Variants in ZNF500 observed in about 807,000 individuals in gnomAD.
ZNF500 encodes zinc finger protein 500, also known as zinc finger protein with KRAB and SCAN domains 18.
ZNF500 carries 31 observed loss-of-function variants against 30.1 expected under a neutral mutation model. The observed-to-expected ratio is 1.03, with a 90% confidence interval of 0.77 to 1.39. The LOEUF is 1.39. Ranked by LOEUF, ZNF500 falls within the 40% of genes most tolerant of loss-of-function variation. ZNF500 has a pLI of 0.00. For synonymous variants in ZNF500, 392 were observed against 282.0 expected (o/e 1.39, Z -3.91); for missense variants, 817 against 657.8 (o/e 1.24, Z -2.65).
chr16:4,747,907 G>A (rs1310223082), downstream of ZNF500, among the ~76,000 whole-genome samples: 2 of 152,178 alleles, frequency 1.3e-5, no homozygotes, highest in African/African-American at 2.4e-5. Flanking sequence ...GACAGCAGGA[G>A]GACGGGGTGC....
chr16:4,751,461 G>T lies in ZNF500; in HGVS notation c.*915C>A. On this transcript the variant is annotated 3_prime_UTR_variant, in exon 6 of 6. Transcript: ENST00000219478. ...AACTCAGGGGTGCTTTCCCGCCCCAGGTGTCTTCCGCCCTGCAGAGCAGCT... is the reference window on the plus strand; with the variant it reads ...AACTCAGGGGTGCTTTCCCGCCCCATGTGTCTTCCGCCCTGCAGAGCAGCT... The T allele has an allele frequency of 2.0e-6, 2 of 1,023,904 alleles. No individual in the cohort carries two copies. The highest frequency in any genetic ancestry group is 3.4e-5 in the South Asian group (2 of 59,086). 63.4% of individuals were successfully genotyped at this position (1,023,904 alleles called of 1,614,324 possible).
intron 2 of ZNF500, chr16:4,764,176 T>C (rs117572672): frequency 3.8e-6 from 3 of 790,870 alleles, no homozygotes; most frequent in Non-Finnish European, 4.6e-6. Context: ...CCACTGGCCA[T>C]GTGTGACGAC....
At position 4,748,800 on chromosome 16, in the gene ZNF500, C is replaced by G. The variant is rs1170876909; in HGVS notation, c.*3576G>C. 1 of 152,324 alleles carries G rather than the reference C, an allele frequency of 6.6e-6. No homozygotes were observed. Among genetic ancestry groups the G allele is most frequent in the Non-Finnish European group, 1.5e-5 (1 of 68,112 alleles). The allele number at this position is 152,324 out of a possible 1,614,324, so 9.4% of individuals were successfully genotyped here. ...CTTGGGCCCCACGGTGCCACGGGCT[C>G]AGGCAGCACAGTAGGGCGCCGGGCC... On this transcript the variant is annotated 3_prime_UTR_variant, in exon 6 of 6. Coordinates refer to ENST00000219478, the MANE Select transcript of ZNF500 (RefSeq NM_021646.4).
chr16:4,747,169 C>T, downstream of ZNF500: 2 of 1,199,012 alleles, frequency 1.7e-6, no homozygotes, highest in Non-Finnish European at 2.3e-6. Context: ...CAGCTTTCAT[C>T]ATCCTGCCCA....
downstream of ZNF500, chr16:4,746,122 T>C (rs76346188): frequency 0.021 from 8,819 of 414,966 alleles, 145 homozygotes; most frequent in Non-Finnish European, 0.029. Context: ...ACTTAGCCAC[T>C]TGTGCCAAGT....
At chr16:4,757,546 C>T (rs1036313113) in intron 5 of ZNF500, among the ~76,000 whole-genome samples, 3 of 152,092 alleles carry the variant, frequency 2.0e-5, no homozygotes, top group African/African-American at 7.2e-5. Context: ...GCAATCCACC[C>T]GCCTTGACCT....
chr16:4,752,207 C>G lies in ZNF500; in HGVS notation c.*169G>C, dbSNP rs1431295704. 4 of 1,420,268 alleles carry G rather than the reference C, an allele frequency of 2.8e-6. No homozygotes were observed. The highest frequency in any genetic ancestry group is 3.7e-6 in the Non-Finnish European group (4 of 1,093,350). The allele number at this position is 1,420,268 out of a possible 1,614,324, so 88.0% of individuals were successfully genotyped here. A position where few individuals can be genotyped will look rare whatever the true frequency, so the allele number is the denominator to read the frequency against. On this transcript the variant is annotated 3_prime_UTR_variant, in exon 6 of 6. Coordinates refer to ENST00000219478, the MANE Select transcript of ZNF500 (RefSeq NM_021646.4). ...CCTTGCCCTTGTTCTGCACCCAGTG[C>G]CCAGCTTCCTCTGCGGCCTGGGCAT...
downstream of ZNF500, among the ~76,000 whole-genome samples, chr16:4,747,835 A>G (rs1419213748): frequency 6.6e-6 from 1 of 152,152 alleles, no homozygotes; most frequent in African/African-American, 2.4e-5. Context: ...ACAAATCTGT[A>G]TGTAACCTGT....
chr16:4,766,716 C>T (rs186537528), intron 1 of ZNF500, among the ~76,000 whole-genome samples: 1 of 152,320 alleles, frequency 6.6e-6, no homozygotes, highest in East Asian at 1.9e-4. Context: ...CTTTGGAAAT[C>T]TGATGAAAAG....
At chr16:4,746,682 A>T, downstream of ZNF500, 1 of 983,678 alleles carries the variant, frequency 1.0e-6, no homozygotes, top group Non-Finnish European at 1.5e-6. Context: ...CCCTGCAGGG[A>T]GGGAAGAGGG....
chr16:4,756,995 A>C (rs1226687239), intron 5 of ZNF500, among the ~76,000 whole-genome samples: 1 of 151,970 alleles, frequency 6.6e-6, no homozygotes, highest in Non-Finnish European at 1.5e-5. Context: ...AAAAAGAAAA[A>C]AAAAGTTTTG....
rs2082088226 is a variant in ZNF500 at position 4,752,288 on chromosome 16, C to T, written c.*88G>A. On this transcript the variant is annotated 3_prime_UTR_variant, in exon 6 of 6. Transcript: ENST00000219478. ...GCCATGGGAGGAAACGGGCAGCTGGCAATGCTTTCGGACCAGGCTGTCTAG... is the reference window on the plus strand; with the variant it reads ...GCCATGGGAGGAAACGGGCAGCTGGTAATGCTTTCGGACCAGGCTGTCTAG... The T allele has an allele frequency of 4.9e-6, 7 of 1,429,842 alleles. No individual in the cohort carries two copies. Among genetic ancestry groups the T allele is most frequent in the South Asian group, 3.1e-5 (2 of 65,558 alleles). The allele number at this position is 1,429,842 out of a possible 1,614,324, so 88.6% of individuals were successfully genotyped here. A position where few individuals can be genotyped will look rare whatever the true frequency, so the allele number is the denominator to read the frequency against.
At chr16:4,747,481 T>A (rs118001246), downstream of ZNF500, 665 of 1,613,210 alleles carry the variant, frequency 4.1e-4, 7 homozygotes, top group East Asian at 0.014. Context: ...GATCACGAAC[T>A]GGGAGGAAGC....
chr16:4,746,404 C>T, downstream of ZNF500: 1 of 1,613,094 alleles, frequency 6.2e-7, no homozygotes, highest in Non-Finnish European at 8.5e-7. Flanking sequence ...GGCTCCCAGG[C>T]TGGGCCAGGC....
intron 2 of ZNF500, among the ~76,000 whole-genome samples, chr16:4,764,972 C>A (rs763259672): frequency 1.3e-5 from 2 of 152,036 alleles, no homozygotes; most frequent in Non-Finnish European, 2.9e-5. Context: ...TTTCAACTCC[C>A]TGCCTTGGAA....
Position 4,752,632 on chromosome 16 carries a change from A to C in ZNF500, c.1187T>G (p.Leu396Arg). The C allele has an allele frequency of 1.2e-6, 2 of 1,610,724 alleles. No homozygotes were observed. Among genetic ancestry groups the C allele is most frequent in the South Asian group, 2.2e-5 (2 of 90,806 alleles). The change falls in exon 6 of 6, where the codon CTG (leucine) becomes CGG (arginine). Residue 396 changes from leucine to arginine, a missense_variant. By Grantham distance (102) the Leu-to-Arg change is moderately radical (BLOSUM62 -2). Coordinates refer to ENST00000219478, the MANE Select transcript of ZNF500 (RefSeq NM_021646.4). ...GCTGTGTGTCCTGCGGTGGATGACC[A>C]GGCTGGAGCTCTGGCTGAAGCGCTT... ...CGKRFSQSSS[L>R]VIHRRTHSGE...
At position 4,752,151 on chromosome 16, in the gene ZNF500, T is replaced by C. The variant is rs1691291130; in HGVS notation, c.*225A>G. 2.9e-6 allele frequency: 4 copies of C among 1,378,780 alleles called. No homozygotes were observed. Among genetic ancestry groups the C allele is most frequent in the Non-Finnish European group, 3.7e-6 (4 of 1,071,674 alleles). The allele number at this position is 1,378,780 out of a possible 1,614,324, so 85.4% of individuals were successfully genotyped here. The stretch of plus-strand genomic sequence containing the variant: ...TGAAGCCCCTGCTCTGTGTCACCTG[T>C]TCTGGCTGCCACTGGACACTCAGAG... On this transcript the variant is annotated 3_prime_UTR_variant, in exon 6 of 6. Transcript: ENST00000219478.
rs1302516398 is a variant in ZNF500, at chr16:4,763,056, G to A, written c.415-300C>T. ...CCTGGGCCAGAAGAGCCCTGAGTCA[G>A]CGCTGGACTAATTTCAGAAGTTCAC... On this transcript the variant is annotated intron_variant, in intron 2 of 5. Transcript: ENST00000219478. 5 of 985,310 alleles carry A rather than the reference G, an allele frequency of 5.1e-6. No individual in the cohort carries two copies. The South Asian group carries it at 1.9e-4, about 37-fold the overall frequency. The allele number at this position is 985,310 out of a possible 1,614,324, so 61.0% of individuals were successfully genotyped here.
intron 2 of ZNF500, chr16:4,763,618 G>A (rs2082231670): frequency 3.0e-6 from 3 of 985,208 alleles, no homozygotes; most frequent in East Asian, 1.1e-4. Flanking sequence ...ACCTCTAAGG[G>A]AGCGTAGTCC....
Sources: allele counts gnomAD v4.1 joint callset (sites outside exome capture counted in the v4.1 genomes callset), GRCh38; gene constraint gnomAD v4.1.1; transcripts MANE v1.5; gene names NCBI Gene and HGNC (gene_info 2026-07-23, HGNC 2026-07-21).